GPC6: variants seen among roughly 807,000 people sequenced by gnomAD.
GPC6 encodes glypican 6.
GPC6 carries 14 observed loss-of-function variants against 55.2 expected under a neutral mutation model. The observed-to-expected ratio is 0.25, with a 90% CI of 0.17 to 0.40. GPC6 has a LOEUF of 0.40. Ranked by LOEUF, GPC6 falls within the 10% of genes least tolerant of loss-of-function variation. The probability of loss-of-function intolerance (pLI) is 1.00; values close to 1 mark genes in which losing one functional copy is unlikely to be tolerated. For missense variants in GPC6, 641 were observed against 708.5 expected, an observed-to-expected ratio of 0.90 and a Z score of 1.08; for synonymous variants, 278 against 259.6, an observed-to-expected ratio of 1.07 and a Z score of -0.68.
intron 4 of GPC6, among the ~76,000 whole-genome samples, chr13:94,035,485 A>G (rs902502065): frequency 6.6e-5 from 10 of 152,088 alleles, no homozygotes; most frequent in African/African-American, 2.4e-4. Context: ...TCGTTAAAGA[A>G]AACATCAAAC....
chr13:94,394,248 G>A (rs1262613359), intron 7 of GPC6, among the ~76,000 whole-genome samples: 1 of 152,222 alleles, frequency 6.6e-6, no homozygotes, highest in Non-Finnish European at 1.5e-5. Context: ...GTGCTTGGCT[G>A]TTCATGAATG....
chr13:93,217,054 A>AG, the GPC6 span, among the ~76,000 whole-genome samples: 7 of 152,336 alleles, frequency 4.6e-5, no homozygotes, highest in South Asian at 1.4e-3. Context: ...TGGAAAAAAA[A>AG]AATCTAGAAA....
chr13:93,835,516 G>C (rs920706075), intron 3 of GPC6, among the ~76,000 whole-genome samples: 1 of 152,158 alleles, frequency 6.6e-6, no homozygotes, highest in African/African-American at 2.4e-5. Flanking sequence ...ACTTTGGGAG[G>C]CCGAGACAGG....
chr13:93,298,896 T>C (rs1203604186), intron 1 of GPC6, among the ~76,000 whole-genome samples: 1 of 150,860 alleles, frequency 6.6e-6, no homozygotes, highest in Non-Finnish European at 1.5e-5. Flanking sequence ...ACTTTTCTCT[T>C]AGGGTTTTTT....
chr13:93,830,480 A>G lies in GPC6; in HGVS notation c.646A>G (p.Ile216Val), dbSNP rs1286625225. Residue 216 changes from isoleucine (I) to valine (V), a missense_variant, in exon 3 of 9, where the codon ATT (isoleucine) becomes GTT (valine). By Grantham distance (29) the Ile-to-Val change is conservative. Transcript: ENST00000377047. ...KLKIQVTRAF[I>V]AARTFVQGLT... ...GAAGATTCAGGTTACCCGCGCCTTCATTGCTGCCAGGACCTTTGTCCAGGG... is the reference window on the plus strand; with the variant it reads ...GAAGATTCAGGTTACCCGCGCCTTCGTTGCTGCCAGGACCTTTGTCCAGGG... 3.7e-6 allele frequency: 6 copies of G among 1,613,762 alleles called. No individual in the cohort carries two copies. Among genetic ancestry groups the G allele is most frequent in the East Asian group, 4.5e-5 (2 of 44,844 alleles).
At chr13:94,100,529 C>G (rs1022371685) in intron 4 of GPC6, among the ~76,000 whole-genome samples, 2 of 152,210 alleles carry the variant, frequency 1.3e-5, no homozygotes, top group Non-Finnish European at 2.9e-5. Flanking sequence ...TATCAGCCCA[C>G]ATCTCCCAGT....
chr13:93,797,990 G>A (rs774604532), intron 2 of GPC6, among the ~76,000 whole-genome samples: 55 of 152,152 alleles, frequency 3.6e-4, no homozygotes, highest in Non-Finnish European at 5.4e-4. Context: ...TCTGAGGGAC[G>A]GAAGCACAGG....
At chr13:94,016,247 A>G (rs566445116) in intron 3 of GPC6, among the ~76,000 whole-genome samples, 8 of 152,182 alleles carry the variant, frequency 5.3e-5, no homozygotes, top group Non-Finnish European at 1.2e-4. Context: ...ATAATATTCC[A>G]TTTATTTTAT....
chr13:93,815,147 C>T (rs1301113999), intron 2 of GPC6, among the ~76,000 whole-genome samples: 1 of 151,958 alleles, frequency 6.6e-6, no homozygotes, highest in East Asian at 1.9e-4. Flanking sequence ...TGATGGGTGG[C>T]TTTTATGACA....
At chr13:93,676,342 G>A (rs1013940352) in intron 2 of GPC6, among the ~76,000 whole-genome samples, 17 of 151,054 alleles carry the variant, frequency 1.1e-4, no homozygotes, top group African/African-American at 3.7e-4. Flanking sequence ...TCTTGAACCC[G>A]GGTAGCAGAG....
chr13:94,030,831 T>G (rs1273675015), intron 4 of GPC6, among the ~76,000 whole-genome samples: 1 of 151,996 alleles, frequency 6.6e-6, no homozygotes, highest in Non-Finnish European at 1.5e-5. Context: ...AAAACAAGAG[T>G]CAAACTGGGG....
intron 1 of GPC6, among the ~76,000 whole-genome samples, chr13:93,451,901 T>A (rs1166130067): frequency 2.0e-5 from 3 of 152,144 alleles, no homozygotes; most frequent in Non-Finnish European, 4.4e-5. Flanking sequence ...ACCAGAGCAG[T>A]GTATTTCAGA....
chr13:94,241,469 C>T (rs1456967604), intron 4 of GPC6, among the ~76,000 whole-genome samples: 1 of 152,114 alleles, frequency 6.6e-6, no homozygotes, highest in African/African-American at 2.4e-5. Context: ...TACATATTTT[C>T]ACATTTGTAG....
intron 4 of GPC6, among the ~76,000 whole-genome samples, chr13:94,100,624 A>G (rs552993516): frequency 6.6e-6 from 1 of 152,224 alleles, no homozygotes; most frequent in South Asian, 2.1e-4. Flanking sequence ...CTTTCTAGGG[A>G]TCTGAACTTA....
chr13:94,401,502 C>A (rs1022134177), intron 8 of GPC6, among the ~76,000 whole-genome samples: 1 of 151,894 alleles, frequency 6.6e-6, no homozygotes, highest in Non-Finnish European at 1.5e-5. Context: ...TACCCTGGGT[C>A]GACATACTCT....
intron 5 of GPC6, among the ~76,000 whole-genome samples, chr13:94,293,552 T>C (rs1476346946): frequency 6.6e-6 from 1 of 152,202 alleles, no homozygotes; most frequent in East Asian, 1.9e-4. Flanking sequence ...TCTTGGGCAG[T>C]TCTTGATAGC....
chr13:93,931,045 G>A lies in GPC6; in HGVS notation c.712-96684G>A, dbSNP rs189648788. On this transcript the variant is annotated intron_variant, in intron 3 of 8. Coordinates refer to ENST00000377047, the MANE Select transcript of GPC6 (RefSeq NM_005708.5). The stretch of plus-strand genomic sequence containing the variant: ...GCGCTCACTCACTATCACTAGGGCA[G>A]CACCAAAGGTATGGTGCTAGCCCAT... 1.5e-4 allele frequency among the ~76,000 whole-genome samples: 23 copies of A among 152,238 alleles called. No individual in the cohort carries two copies. The East Asian group carries it at 4.5e-3, about 30-fold the overall frequency.
At chr13:94,302,010 A>C (rs1198143626) in intron 5 of GPC6, among the ~76,000 whole-genome samples, 1 of 152,238 alleles carries the variant, frequency 6.6e-6, no homozygotes, top group Non-Finnish European at 1.5e-5. Context: ...ACTGTGCCTA[A>C]CTATACTGCT....
At chr13:94,305,619 A>G (rs1445464338) in intron 5 of GPC6, among the ~76,000 whole-genome samples, 1 of 152,232 alleles carries the variant, frequency 6.6e-6, no homozygotes, top group Non-Finnish European at 1.5e-5. Flanking sequence ...AGCTGGGAAC[A>G]TGACTCAGAT....
Sources: gnomAD v4.1 joint callset for allele counts (sites outside exome capture counted in the v4.1 genomes callset) on GRCh38, gnomAD v4.1.1 for gene constraint, MANE v1.5 for transcripts, NCBI Gene and HGNC (gene_info 2026-07-23, HGNC 2026-07-21) for gene names.